The following COL23A1 variants were observed in gnomAD, a reference collection of about 807,000 sequenced individuals.
COL23A1 encodes collagen type XXIII alpha 1 chain, also known as collagen alpha-1(XXIII) chain.
A neutral mutation model predicts 99.3 loss-of-function variants in COL23A1; 97 were observed. That is an observed-to-expected ratio of 0.98 (90% CI 0.83 to 1.16). The LOEUF is 1.16. COL23A1 is among the 50% of genes most tolerant of loss of function. COL23A1 has a pLI of 0.00. For missense variants in COL23A1, 762 were observed against 757.4 expected (o/e 1.01, Z -0.07); for synonymous variants, 320 against 308.2 (o/e 1.04, Z -0.40).
chr5:178,432,496 G>A (rs760531696), intron 2 of COL23A1, among the ~76,000 whole-genome samples: 3 of 152,120 alleles, frequency 2.0e-5, no homozygotes, highest in South Asian at 2.1e-4. Context: ...TGCCTCCTAC[G>A]CTCCCGGCAG....
At chr5:178,353,637 G>C (rs1202810491) in intron 2 of COL23A1, among the ~76,000 whole-genome samples, 2 of 152,122 alleles carry the variant, frequency 1.3e-5, no homozygotes, top group African/African-American at 4.8e-5. Context: ...TCCTCTCTTA[G>C]GATAAAGTAG....
chr5:178,557,479 C>T (rs549122284), intron 2 of COL23A1, among the ~76,000 whole-genome samples: 3 of 152,316 alleles, frequency 2.0e-5, no homozygotes, highest in East Asian at 1.9e-4. Context: ...CTCCTGCCAG[C>T]GATATCCACT....
At position 178,428,520 on chromosome 5, in the gene COL23A1, G is replaced by A. The variant is rs1766074472; in HGVS notation, c.362-121601C>T. Among the ~76,000 whole-genome samples the A allele has an allele frequency of 6.6e-6, 1 of 152,226 alleles. No individual in the cohort carries two copies. The highest frequency in any genetic ancestry group is 1.5e-5 in the Non-Finnish European group (1 of 68,036). ...ACTGCCAGCTGGGCCTGTGCTCTGT[G>A]TCCAGGAGCCGCGGCAGGGTGCCCA... On this transcript the variant is annotated intron_variant, in intron 2 of 28. Coordinates refer to ENST00000390654, the MANE Select transcript of COL23A1 (RefSeq NM_173465.4). The surrounding 1 kb of genome is among the most constrained non-coding windows in gnomAD (Gnocchi z 5.0).
intron 2 of COL23A1, among the ~76,000 whole-genome samples, chr5:178,377,273 C>T (rs1222720608): frequency 6.6e-6 from 1 of 152,256 alleles, no homozygotes; most frequent in Non-Finnish European, 1.5e-5. Flanking sequence ...GCTGCCTCCC[C>T]TGAACATGCC....
intron 1 of COL23A1, among the ~76,000 whole-genome samples, chr5:178,588,311 C>G (rs904224805): frequency 1.1e-4 from 16 of 152,178 alleles, no homozygotes; most frequent in African/African-American, 3.1e-4. Flanking sequence ...CCAGGATGCC[C>G]CTCCCTCCTA....
intron 2 of COL23A1, among the ~76,000 whole-genome samples, chr5:178,541,455 G>C (rs1016467942): frequency 1.3e-5 from 2 of 152,284 alleles, no homozygotes; most frequent in African/African-American, 2.4e-5. Context: ...GGGTGTGGTG[G>C]TCCTCGCTGC....
At position 178,428,433 on chromosome 5, in the gene COL23A1, C is replaced by T. The variant is rs921417180; in HGVS notation, c.362-121514G>A. On this transcript the variant is annotated intron_variant, in intron 2 of 28. Coordinates refer to ENST00000390654, the MANE Select transcript of COL23A1 (RefSeq NM_173465.4). The surrounding 1 kb of genome is among the most constrained non-coding windows in gnomAD (Gnocchi z 5.0). ...AGGGAACCAGGGGCAGCTTCCAGGG[C>T]CCCTTCCTCATTCTGCTGCTCGGAA... Among the ~76,000 whole-genome samples, 8 of 152,224 alleles carry T rather than the reference C, an allele frequency of 5.3e-5. No homozygotes were observed. The highest frequency in any genetic ancestry group is 7.3e-5 in the Non-Finnish European group (5 of 68,032).
chr5:178,331,053 C>T (rs776958145), intron 2 of COL23A1, among the ~76,000 whole-genome samples: 3 of 152,246 alleles, frequency 2.0e-5, no homozygotes, highest in Non-Finnish European at 4.4e-5. Context: ...CAGTGCCTGG[C>T]ATACAGTAGG....
chr5:178,437,985 T>G (rs1166276398), intron 2 of COL23A1, among the ~76,000 whole-genome samples: 1 of 152,072 alleles, frequency 6.6e-6, no homozygotes, highest in Admixed American at 6.6e-5. Flanking sequence ...AAACTTGAGG[T>G]TTAGGCAGGG....
chr5:178,523,179 C>CATAT (rs1562051614), intron 2 of COL23A1, among the ~76,000 whole-genome samples: 3 of 53,080 alleles, frequency 5.7e-5, no homozygotes, highest in Admixed American at 2.7e-4. Flanking sequence ...TATATATATA[C>CATAT]ACATATATAT....
In COL23A1 at chr5:178,495,094, G is replaced by T. The variant is rs374837432; in HGVS notation, c.361+65588C>A. Among the ~76,000 whole-genome samples, 3 of 152,210 alleles carry T rather than the reference G, an allele frequency of 2.0e-5. No homozygotes were observed. The East Asian group carries it at 5.8e-4, about 29-fold the overall frequency. On this transcript the variant is annotated intron_variant, in intron 2 of 28. Coordinates refer to ENST00000390654, the MANE Select transcript of COL23A1 (RefSeq NM_173465.4). ...CTCCTGGGCCTGCAGGTTGAGGTTT[G>T]CCCAGGACCCTGGCACTCAGTCTCC...
intron 2 of COL23A1, chr5:178,378,135 G>A (rs34804728): frequency 0.1 from 15,824 of 152,230 alleles, 1,662 homozygotes; most frequent in African/African-American, 0.27. Context: ...AGAGCAGGTT[G>A]AAATCCCATG....
In COL23A1 at chr5:178,242,140, G is replaced by T; in HGVS notation, c.1495-12C>A. ...ACCCCTCGTTCTCCCTGTGCAGGAGGGGAGATGGTGGTATTGGTCATGGCT... is the reference window on the plus strand; with the variant it reads ...ACCCCTCGTTCTCCCTGTGCAGGAGTGGAGATGGTGGTATTGGTCATGGCT... On this transcript the variant is annotated splice_polypyrimidine_tract_variant and intron_variant, in intron 26 of 28. Coordinates refer to ENST00000390654, the MANE Select transcript of COL23A1 (RefSeq NM_173465.4). The T allele has an allele frequency of 6.5e-7, 1 of 1,549,276 alleles. No homozygotes were observed. The highest frequency in any genetic ancestry group is 8.7e-7 in the Non-Finnish European group (1 of 1,145,180).
rs763567545 is a variant in COL23A1, at chr5:178,268,736, C to A, written c.489G>T (p.Gly163=). The stretch of plus-strand genomic sequence containing the variant: ...AGCCTCTGGCATCACTTACCTTTTC[C>A]CCTTTCGGGCCTGGAAGTCCCTGGA... The part of the protein sequence containing the change: ...DGKPGLPGPK[G]EKGAPGDFGP... The change falls in exon 7 of 29, where the codon GGG becomes GGT. Residue 163 remains glycine, a synonymous_variant. Transcript: ENST00000390654. The A allele has an allele frequency of 1.2e-6, 2 of 1,603,694 alleles. No individual in the cohort carries two copies. Among genetic ancestry groups the A allele is most frequent in the Non-Finnish European group, 1.7e-6 (2 of 1,173,692 alleles).
intron 11 of COL23A1, among the ~76,000 whole-genome samples, chr5:178,260,078 G>A (rs891114788): frequency 2.0e-5 from 3 of 152,204 alleles, no homozygotes; most frequent in Admixed American, 6.5e-5. Context: ...CTCCGTCTCC[G>A]TCAGCGAGGA....
intron 2 of COL23A1, among the ~76,000 whole-genome samples, chr5:178,416,657 G>T (rs76051005): frequency 1.3e-5 from 2 of 152,196 alleles, no homozygotes; most frequent in African/African-American, 4.8e-5. Flanking sequence ...GTTTCAAGCC[G>T]GTAGTAGTAT....
At chr5:178,333,988 G>A (rs1267264257) in intron 2 of COL23A1, among the ~76,000 whole-genome samples, 1 of 152,170 alleles carries the variant, frequency 6.6e-6, no homozygotes, top group Non-Finnish European at 1.5e-5. Context: ...AAATGCCTGT[G>A]CACCTTCGGA....
intron 1 of COL23A1, among the ~76,000 whole-genome samples, chr5:178,566,989 G>A (rs967861152): frequency 2.6e-5 from 4 of 152,154 alleles, no homozygotes; most frequent in African/African-American, 7.2e-5. Flanking sequence ...AACAAATTAT[G>A]AGTAATGAGA....
At chr5:178,479,188 G>T (rs1172312629) in intron 2 of COL23A1, among the ~76,000 whole-genome samples, 2 of 152,126 alleles carry the variant, frequency 1.3e-5, no homozygotes, top group Non-Finnish European at 2.9e-5. Flanking sequence ...TTTATGTGCA[G>T]GATTTCCTAG....
Sources: gnomAD v4.1 joint callset for allele counts (sites outside exome capture counted in the v4.1 genomes callset) on GRCh38, gnomAD v4.1.1 for gene constraint, Gnocchi (gnomAD v3.1) non-coding constraint, MANE v1.5 for transcripts, NCBI Gene and HGNC (gene_info 2026-07-23, HGNC 2026-07-21) for gene names.